Variants in FSTL5 observed in about 807,000 individuals in gnomAD.
The protein encoded by FSTL5 is follistatin like 5.
FSTL5 carries 62 observed loss-of-function variants against 89.1 expected under a neutral mutation model. The observed-to-expected ratio is 0.70, with a 90% CI of 0.57 to 0.86. The LOEUF (loss-of-function observed/expected upper bound fraction) is 0.86. FSTL5 is among the 40% of genes least tolerant of loss of function. The pLI is 0.00. For synonymous variants in FSTL5, 383 were observed against 346.2 expected, an observed-to-expected ratio of 1.11 and a Z score of -1.18; for missense variants, 1,057 against 1,001.6, an observed-to-expected ratio of 1.06 and a Z score of -0.75.
chr4:162,161,113 C>T (rs1041417074), intron 1 of FSTL5, among the ~76,000 whole-genome samples: 29 of 151,926 alleles, frequency 1.9e-4, no homozygotes, highest in African/African-American at 6.0e-4. Flanking sequence ...CACTTTTCTG[C>T]AAACGGTGCT....
chr4:161,554,988 T>C (rs72685763), intron 8 of FSTL5, among the ~76,000 whole-genome samples: 11,340 of 151,714 alleles, frequency 0.075, 534 homozygotes, highest in Middle Eastern at 0.17. Flanking sequence ...AAAGCAGTCT[T>C]TTTATATTCA....
rs112615989 is a variant in FSTL5 at position 161,837,002 on chromosome 4, T to C, written c.410-60928A>G. The stretch of plus-strand genomic sequence containing the variant: ...TTTGAGACATCTATGTGCCATCCAA[T>C]TGAAGGCACTAAATATGTAGTTGGA... On this transcript the variant is annotated intron_variant, in intron 4 of 15. Coordinates refer to ENST00000306100, the MANE Select transcript of FSTL5 (RefSeq NM_020116.5). Among the ~76,000 whole-genome samples, 251 of 152,220 alleles carry C rather than the reference T, an allele frequency of 1.6e-3. 1 individual carries two copies. Among genetic ancestry groups the C allele is most frequent in the Middle Eastern group, 6.8e-3 (2 of 294 alleles).
intron 4 of FSTL5, among the ~76,000 whole-genome samples, chr4:161,901,661 T>C (rs1733367541): frequency 6.6e-6 from 1 of 152,164 alleles, no homozygotes. Flanking sequence ...AGGCCGGGCA[T>C]GGTGGCTCAC....
At chr4:161,855,225 G>A (rs1034733506) in intron 4 of FSTL5, among the ~76,000 whole-genome samples, 1 of 151,972 alleles carries the variant, frequency 6.6e-6, no homozygotes, top group Non-Finnish European at 1.5e-5. Flanking sequence ...TATGCTCTGG[G>A]CTGTGTAAAC....
At chr4:161,822,289 T>C (rs774256001) in intron 4 of FSTL5, among the ~76,000 whole-genome samples, 16 of 152,304 alleles carry the variant, frequency 1.1e-4, no homozygotes, top group African/African-American at 3.1e-4. Flanking sequence ...ACAGGCCTAT[T>C]GGGCTTGTTC....
At chr4:161,905,881 T>C (rs1733508756) in intron 4 of FSTL5, among the ~76,000 whole-genome samples, 1 of 152,202 alleles carries the variant, frequency 6.6e-6, no homozygotes, top group African/African-American at 2.4e-5. Flanking sequence ...AATTCTGAAG[T>C]TAATGTCCAA....
At chr4:161,495,834 A>G (rs747977718) in intron 12 of FSTL5, among the ~76,000 whole-genome samples, 12 of 152,016 alleles carry the variant, frequency 7.9e-5, no homozygotes. Context: ...GTTCCAAAAG[A>G]CTCATTTCCA....
At chr4:161,712,750 G>A (rs189712790) in intron 6 of FSTL5, among the ~76,000 whole-genome samples, 9 of 151,604 alleles carry the variant, frequency 5.9e-5, no homozygotes, top group African/African-American at 1.7e-4. Flanking sequence ...TGGAGATCTC[G>A]TTGCTTAAAA....
chr4:162,109,016 G>A (rs1306017012), intron 2 of FSTL5, among the ~76,000 whole-genome samples: 4 of 151,974 alleles, frequency 2.6e-5, no homozygotes, highest in Non-Finnish European at 5.9e-5. Context: ...GAGTTTTGTG[G>A]ATGAAAACAA....
chr4:161,814,493 T>G (rs891781356), intron 4 of FSTL5, among the ~76,000 whole-genome samples: 4 of 152,172 alleles, frequency 2.6e-5, no homozygotes, highest in African/African-American at 9.6e-5. Context: ...GTATATAAAG[T>G]GCTAGTTAAC....
intron 6 of FSTL5, among the ~76,000 whole-genome samples, chr4:161,668,368 T>G (rs529973715): frequency 3.9e-5 from 6 of 152,252 alleles, no homozygotes; most frequent in African/African-American, 1.4e-4. Context: ...GAAATCACAT[T>G]ACTTATTAAT....
intron 3 of FSTL5, among the ~76,000 whole-genome samples, chr4:162,033,419 G>A (rs1445460524): frequency 6.6e-6 from 1 of 152,152 alleles, no homozygotes; most frequent in African/African-American, 2.4e-5. Flanking sequence ...CAAGAGCACA[G>A]TATGAAGATG....
intron 1 of FSTL5, among the ~76,000 whole-genome samples, chr4:162,122,142 T>C (rs72984765): frequency 0.21 from 32,513 of 151,960 alleles, 3,721 homozygotes; most frequent in African/African-American, 0.24. Context: ...TGGCACCCTA[T>C]ACCCTGTGTC....
At chr4:162,068,284 G>C (rs1729434472) in intron 2 of FSTL5, among the ~76,000 whole-genome samples, 1 of 151,814 alleles carries the variant, frequency 6.6e-6, no homozygotes, top group Non-Finnish European at 1.5e-5. Flanking sequence ...GGACACTATG[G>C]CACCTGACTC....
chr4:161,492,661 A>G (rs7670913), intron 12 of FSTL5, among the ~76,000 whole-genome samples: 3,985 of 152,032 alleles, frequency 0.026, 176 homozygotes, highest in African/African-American at 0.089. Flanking sequence ...TCTAAAATTG[A>G]ATCAACAACA....
chr4:161,447,974 C>T (rs999199482), intron 15 of FSTL5, among the ~76,000 whole-genome samples: 1 of 151,996 alleles, frequency 6.6e-6, no homozygotes, highest in African/African-American at 2.4e-5. Flanking sequence ...ATAATAGGTT[C>T]TGAAAATACA....
chr4:161,544,707 T>C (rs1002261976), intron 8 of FSTL5, among the ~76,000 whole-genome samples: 4 of 151,942 alleles, frequency 2.6e-5, no homozygotes, highest in African/African-American at 9.7e-5. Flanking sequence ...AGATGAGTTA[T>C]AAGAAATAAA....
At chr4:162,033,774 A>G (rs60202022) in intron 2 of FSTL5, 116 bp from the exon 3 acceptor site, 213,704 of 567,006 alleles carry the variant, frequency 0.38, 41,682 homozygotes, top group Middle Eastern at 0.49. Context: ...TCCCAGGAAC[A>G]TGATTCTCGC....
chr4:162,015,443 C>T lies in FSTL5; in HGVS notation c.160+18182G>A, dbSNP rs960561146. ...TTTTCAAAATAGTTTCTGGAATATG[C>T]GCTTCTTCTCTGATATTCATGTGTA... On this transcript the variant is annotated intron_variant, in intron 3 of 15. Coordinates refer to ENST00000306100, the MANE Select transcript of FSTL5 (RefSeq NM_020116.5). Among the ~76,000 whole-genome samples the T allele has an allele frequency of 7.9e-5, 12 of 152,108 alleles. No individual in the cohort carries two copies. The East Asian group carries it at 1.9e-3, about 24-fold the overall frequency.
Sources: gnomAD v4.1 joint callset for allele counts (sites outside exome capture counted in the v4.1 genomes callset) on GRCh38, gnomAD v4.1.1 for gene constraint, MANE v1.5 for transcripts, NCBI Gene and HGNC (gene_info 2026-07-23, HGNC 2026-07-21) for gene names.